The following ATAD2B variants were observed in gnomAD, a reference collection of about 807,000 sequenced individuals.
ATAD2B encodes ATPase family AAA domain-containing protein 2B.
A neutral mutation model predicts 167.6 loss-of-function variants in ATAD2B; 40 were observed. That is an observed-to-expected ratio of 0.24 (90% CI 0.19 to 0.31). The LOEUF (loss-of-function observed/expected upper bound fraction) is 0.31, where lower values mean the gene tolerates loss of function less well. ATAD2B is among the 10% of genes least tolerant of loss of function. The probability of loss-of-function intolerance (pLI) is 1.00; values close to 1 mark genes in which losing one functional copy is unlikely to be tolerated. For synonymous variants in ATAD2B, 579 were observed against 596.5 expected (o/e 0.97, Z 0.43); for missense variants, 1,242 against 1,757.2 (o/e 0.71, Z 5.24).
At chr2:23,737,680 G>A in the ATAD2B span, among the ~76,000 whole-genome samples, 7 of 152,280 alleles carry the variant, frequency 4.6e-5, no homozygotes, top group South Asian at 2.1e-4. Context: ...CACTAGCAAC[G>A]GAACAAAGCT....
intron 13 of ATAD2B, among the ~76,000 whole-genome samples, chr2:23,841,796 G>A (rs970730131): frequency 2.0e-5 from 3 of 152,158 alleles, no homozygotes; most frequent in East Asian, 1.9e-4. Context: ...AATTACAAGC[G>A]TGAGCCACTA....
At chr2:23,798,106 T>C in intron 19 of ATAD2B, 32 bp downstream of exon 19, 1 of 1,306,610 alleles carries the variant, frequency 7.7e-7, no homozygotes, top group Non-Finnish European at 1.0e-6. Flanking sequence ...AACAATATAA[T>C]AAGGAAAGAT....
intron 1 of ATAD2B, among the ~76,000 whole-genome samples, chr2:23,906,794 G>A (rs1401376833): frequency 1.3e-5 from 2 of 151,862 alleles, no homozygotes; most frequent in Non-Finnish European, 2.9e-5. Flanking sequence ...TCATCCCTGG[G>A]ATGCAAGGCT....
At chr2:23,678,093 C>T in the ATAD2B span, among the ~76,000 whole-genome samples, 7 of 152,192 alleles carry the variant, frequency 4.6e-5, no homozygotes, top group Non-Finnish European at 1.0e-4. Flanking sequence ...CCAGCCAGAA[C>T]GAGCCCATTA....
intron 22 of ATAD2B, among the ~76,000 whole-genome samples, chr2:23,772,493 A>T (rs1403536081): frequency 3.3e-5 from 5 of 151,210 alleles, no homozygotes; most frequent in Non-Finnish European, 5.9e-5. Flanking sequence ...AAGAGAAACT[A>T]AAAAAAAAGG....
intron 13 of ATAD2B, among the ~76,000 whole-genome samples, chr2:23,843,575 T>C (rs1263441563): frequency 6.6e-6 from 1 of 152,136 alleles, no homozygotes; most frequent in Non-Finnish European, 1.5e-5. Flanking sequence ...GGAGTTGAGA[T>C]TCCAGGGAGA....
At chr2:23,868,257 T>A (rs1403397059) in intron 9 of ATAD2B, among the ~76,000 whole-genome samples, 8 of 152,188 alleles carry the variant, frequency 5.3e-5, no homozygotes, top group African/African-American at 1.9e-4. Flanking sequence ...AAAATAAAAA[T>A]AAACCTATAT....
intron 18 of ATAD2B, among the ~76,000 whole-genome samples, chr2:23,804,636 C>T (rs1316220385): frequency 6.6e-6 from 1 of 150,430 alleles, no homozygotes; most frequent in African/African-American, 2.5e-5. Flanking sequence ...TCAAAGTTGG[C>T]CAAGCAGGAT....
At chr2:23,914,306 T>C (rs1326254853) in intron 1 of ATAD2B, among the ~76,000 whole-genome samples, 1 of 152,020 alleles carries the variant, frequency 6.6e-6, no homozygotes, top group African/African-American at 2.4e-5. Context: ...ACAGTATCCT[T>C]TAGTGTGGGA....
chr2:23,892,289 G>C (rs1699624223), intron 2 of ATAD2B, among the ~76,000 whole-genome samples: 1 of 151,838 alleles, frequency 6.6e-6, no homozygotes, highest in Non-Finnish European at 1.5e-5. Flanking sequence ...TCAGCCTCCT[G>C]AGTAGCTGGA....
chr2:23,857,739 ATT>A (rs34857462), intron 12 of ATAD2B, among the ~76,000 whole-genome samples: 167 of 120,612 alleles, frequency 1.4e-3, no homozygotes, highest in Non-Finnish European at 1.8e-3. Context: ...ACCAAAGTGT[ATT>A]TTTTTTTTTT....
chr2:23,758,474 C>T (rs1333812272), intron 24 of ATAD2B, among the ~76,000 whole-genome samples: 1 of 152,146 alleles, frequency 6.6e-6, no homozygotes, highest in African/African-American at 2.4e-5. Flanking sequence ...AAGTTTGGGG[C>T]CAAAGCCCTG....
In ATAD2B at chr2:23,812,585, G is replaced by A. The variant is rs914930755; in HGVS notation, c.2268-2083C>T. 1.1e-4 allele frequency among the ~76,000 whole-genome samples: 16 copies of A among 152,178 alleles called. 1 individual carries two copies. Among genetic ancestry groups the A allele is most frequent in the African/African-American group, 2.2e-4 (9 of 41,520 alleles). On this transcript the variant is annotated intron_variant, in intron 17 of 27. Transcript: ENST00000238789. The stretch of plus-strand genomic sequence containing the variant: ...AACTTTTTAAAACATGCTACCAGCC[G>A]GGCACAGTGGCTCACGCCTGTAATC...
At chr2:23,773,059 T>C (rs959063943) in intron 22 of ATAD2B, among the ~76,000 whole-genome samples, 3 of 152,212 alleles carry the variant, frequency 2.0e-5, no homozygotes, top group African/African-American at 7.2e-5. Context: ...TGCTTTTTCA[T>C]GTGCCTATCA....
At chr2:23,812,308 CAAAA>C (rs61415389) in intron 17 of ATAD2B, among the ~76,000 whole-genome samples, 15 of 140,820 alleles carry the variant, frequency 1.1e-4, no homozygotes, top group Non-Finnish European at 1.8e-4. Context: ...CTATTCACTG[CAAAA>C]AAAAAAAAAA....
Position 23,876,693 on chromosome 2 carries a change from T to C in ATAD2B, c.902-789A>G, listed in dbSNP as rs1573190621. 3.3e-5 allele frequency among the ~76,000 whole-genome samples: 5 copies of C among 152,222 alleles called. No homozygotes were observed. In the South Asian group the frequency reaches 1.0e-3, roughly 32 times the overall value. Reference sequence around the variant, plus strand: ...GAAAATAAAAATTTTGTGGCAATACTATAAAGTTGCAAATAAACATTCTAA... The same window carrying C: ...GAAAATAAAAATTTTGTGGCAATACCATAAAGTTGCAAATAAACATTCTAA... On this transcript the variant is annotated intron_variant, in intron 7 of 27. Coordinates refer to ENST00000238789, the MANE Select transcript of ATAD2B (RefSeq NM_017552.4).
intron 1 of ATAD2B, among the ~76,000 whole-genome samples, chr2:23,902,891 C>G (rs1701001745): frequency 6.6e-6 from 1 of 152,050 alleles, no homozygotes; most frequent in South Asian, 2.1e-4. Context: ...ACAGCAAGAC[C>G]TGTCTCTTTA....
rs1290331063 is a variant in ATAD2B, at chr2:23,748,969, C to T, written c.*3077G>A. On this transcript the variant is annotated 3_prime_UTR_variant, in exon 28 of 28. Transcript: ENST00000238789. ...ATGCAGGTACAAGCCCAAATTCAAGCTTACAATGTGATTACAAATAATAAT... is the reference window on the plus strand; with the variant it reads ...ATGCAGGTACAAGCCCAAATTCAAGTTTACAATGTGATTACAAATAATAAT... The T allele has an allele frequency of 1.3e-5, 2 of 152,050 alleles. No individual in the cohort carries two copies. The highest frequency in any genetic ancestry group is 3.9e-4 in the East Asian group (2 of 5,190). The allele number at this position is 152,050 out of a possible 1,614,324, so 9.4% of individuals were successfully genotyped here.
chr2:23,843,058 G>A (rs1401705396), intron 13 of ATAD2B, among the ~76,000 whole-genome samples: 2 of 152,144 alleles, frequency 1.3e-5, no homozygotes, highest in African/African-American at 2.4e-5. Flanking sequence ...AAATGTTGAA[G>A]CTAACATAAC....
Sources: gnomAD v4.1 joint callset for allele counts (sites outside exome capture counted in the v4.1 genomes callset) on GRCh38, gnomAD v4.1.1 for gene constraint, MANE v1.5 for transcripts, NCBI Gene and HGNC (gene_info 2026-07-23, HGNC 2026-07-21) for gene names.